The following PTPRK variants were observed in gnomAD, a reference collection of about 807,000 sequenced individuals.
PTPRK encodes receptor-type tyrosine-protein phosphatase kappa.
PTPRK carries 75 observed loss-of-function variants against 178.0 expected under a neutral mutation model. That is an observed-to-expected ratio of 0.42 (90% CI 0.35 to 0.51). PTPRK has a LOEUF of 0.51. PTPRK is among the 20% of genes least tolerant of loss of function. PTPRK has a pLI of 0.02. For synonymous variants in PTPRK, 637 were observed against 620.6 expected, an observed-to-expected ratio of 1.03 and a Z score of -0.39; for missense variants, 1,441 against 1,797.8, an observed-to-expected ratio of 0.80 and a Z score of 3.59.
At chr6:128,416,240 G>A (rs778964465) in intron 1 of PTPRK, among the ~76,000 whole-genome samples, 32 of 151,766 alleles carry the variant, frequency 2.1e-4, no homozygotes, top group Non-Finnish European at 2.8e-4. Flanking sequence ...CAAGAATGAC[G>A]ACCACCACAC....
rs144963092 is a variant in PTPRK, at chr6:128,005,577, T to C, written c.2334-333A>G. ...CCTTACTAGAGTAATTCAATAAATATTCAAGCTAAAGCCAAGTTTTGATAC... is the reference window on the plus strand; with the variant it reads ...CCTTACTAGAGTAATTCAATAAATACTCAAGCTAAAGCCAAGTTTTGATAC... On this transcript the variant is annotated intron_variant, in intron 14 of 29. Transcript: ENST00000368226. Among the ~76,000 whole-genome samples the C allele has an allele frequency of 2.4e-3, 321 of 135,590 alleles. 2 individuals are homozygous for C. Among genetic ancestry groups the C allele is most frequent in the Middle Eastern group, 7.7e-3 (2 of 260 alleles). 89.0% of individuals were successfully genotyped at this position (135,590 alleles called of 152,430 possible).
At chr6:128,086,661 GA>G (rs1785895176) in intron 8 of PTPRK, among the ~76,000 whole-genome samples, 1 of 152,082 alleles carries the variant, frequency 6.6e-6, no homozygotes, top group Non-Finnish European at 1.5e-5. Context: ...AACAGATTAT[GA>G]TTTAGATATT....
intron 2 of PTPRK, among the ~76,000 whole-genome samples, chr6:128,351,561 T>C (rs935872597): frequency 3.3e-5 from 5 of 152,208 alleles, no homozygotes; most frequent in African/African-American, 1.2e-4. Context: ...TCTCACCTAG[T>C]TCTTCCTTAA....
intron 7 of PTPRK, among the ~76,000 whole-genome samples, chr6:128,137,896 CAAAT>C (rs955038434): frequency 1.3e-5 from 2 of 151,844 alleles, no homozygotes; most frequent in African/African-American, 4.8e-5. Flanking sequence ...AGTAATAATA[CAAAT>C]AAATAAATAA....
At chr6:128,178,227 A>G (rs1338391416) in intron 7 of PTPRK, among the ~76,000 whole-genome samples, 1 of 151,814 alleles carries the variant, frequency 6.6e-6, no homozygotes, top group African/African-American at 2.4e-5. Context: ...TGTATCATTT[A>G]TTATATTTTT....
At chr6:128,293,932 G>A (rs1823825734) in intron 3 of PTPRK, among the ~76,000 whole-genome samples, 1 of 152,080 alleles carries the variant, frequency 6.6e-6, no homozygotes, top group South Asian at 2.1e-4. Flanking sequence ...GACTCAAGCA[G>A]ACAGTAACGC....
chr6:128,382,536 T>C (rs1226174905), intron 2 of PTPRK, among the ~76,000 whole-genome samples: 1 of 151,496 alleles, frequency 6.6e-6, no homozygotes, highest in Non-Finnish European at 1.5e-5. Context: ...GCCTCCCAAG[T>C]AGCTGGGATT....
intron 2 of PTPRK, among the ~76,000 whole-genome samples, chr6:128,360,226 TC>T (rs1432425527): frequency 6.6e-6 from 1 of 152,154 alleles, no homozygotes; most frequent in South Asian, 2.1e-4. Context: ...AAATTTTAAC[TC>T]CTCCTATTTC....
intron 1 of PTPRK, among the ~76,000 whole-genome samples, chr6:128,473,743 T>C (rs1183546358): frequency 6.6e-6 from 1 of 152,038 alleles, no homozygotes; most frequent in Non-Finnish European, 1.5e-5. Context: ...GAACGAATGT[T>C]CTGAAGACTC....
chr6:128,013,195 G>C (rs1423707887), intron 13 of PTPRK, among the ~76,000 whole-genome samples: 1 of 151,250 alleles, frequency 6.6e-6, no homozygotes, highest in Non-Finnish European at 1.5e-5. Flanking sequence ...AGTTTTCTGA[G>C]GACTCTGGTC....
chr6:128,272,742 T>A (rs1033323065), intron 3 of PTPRK, among the ~76,000 whole-genome samples: 5 of 152,118 alleles, frequency 3.3e-5, no homozygotes, highest in African/African-American at 1.2e-4. Context: ...GAAATAGGAA[T>A]GCTTTTACAC....
chr6:128,400,521 C>T (rs1584535871), intron 1 of PTPRK, among the ~76,000 whole-genome samples: 1 of 152,042 alleles, frequency 6.6e-6, no homozygotes, highest in Middle Eastern at 3.4e-3. Context: ...AAGATTTTAT[C>T]CAAGAGTATG....
At chr6:128,038,987 G>C (rs1776706205) in intron 13 of PTPRK, among the ~76,000 whole-genome samples, 3 of 152,164 alleles carry the variant, frequency 2.0e-5, no homozygotes, top group Admixed American at 1.3e-4. Flanking sequence ...TAAGGATATG[G>C]AGAAATAGGT....
intron 1 of PTPRK, among the ~76,000 whole-genome samples, chr6:128,402,326 C>T (rs951252725): frequency 3.3e-5 from 5 of 152,142 alleles, no homozygotes; most frequent in Admixed American, 6.5e-5. Flanking sequence ...GGCGCGATCT[C>T]GGCTCACAGC....
chr6:128,077,889 A>G (rs983090443), intron 11 of PTPRK, among the ~76,000 whole-genome samples: 1 of 152,150 alleles, frequency 6.6e-6, no homozygotes, highest in African/African-American at 2.4e-5. Context: ...AAGATAAAGA[A>G]AATGGCAAAC....
At chr6:128,072,081 A>C (rs556519307) in intron 11 of PTPRK, among the ~76,000 whole-genome samples, 1 of 152,038 alleles carries the variant, frequency 6.6e-6, no homozygotes. Context: ...TACTTTAGTA[A>C]TTAAAACTAT....
At chr6:128,134,215 G>T (rs958784239) in intron 7 of PTPRK, among the ~76,000 whole-genome samples, 1 of 151,934 alleles carries the variant, frequency 6.6e-6, no homozygotes, top group African/African-American at 2.4e-5. Flanking sequence ...TAGGACATGC[G>T]CATATTTAAA....
chr6:128,338,972 T>A (rs1188007704), intron 2 of PTPRK, among the ~76,000 whole-genome samples: 1 of 152,178 alleles, frequency 6.6e-6, no homozygotes. Flanking sequence ...CATCTACATA[T>A]GCATTTACAC....
intron 15 of PTPRK, among the ~76,000 whole-genome samples, chr6:128,004,816 C>T (rs62426538): frequency 3.3e-5 from 5 of 151,840 alleles, no homozygotes; most frequent in Middle Eastern, 3.4e-3. Flanking sequence ...AGCAATGACA[C>T]GTGCTATGGA....
Sources: gnomAD v4.1 joint callset for allele counts (sites outside exome capture counted in the v4.1 genomes callset) on GRCh38, gnomAD v4.1.1 for gene constraint, MANE v1.5 for transcripts, NCBI Gene and HGNC (gene_info 2026-07-23, HGNC 2026-07-21) for gene names.